PRELID2: variants seen among roughly 807,000 people sequenced by gnomAD.
PRELID2 encodes the protein PRELI domain-containing protein 2.
Under a neutral mutation model 28.4 loss-of-function variants are expected in PRELID2, and 25 were observed. The observed-to-expected ratio is 0.88, with a 90% CI of 0.64 to 1.23. The LOEUF is 1.23. PRELID2 is among the 50% of genes most tolerant of loss of function. The pLI is 0.00. For synonymous variants in PRELID2, 76 were observed against 71.6 expected, an observed-to-expected ratio of 1.06 and a Z score of -0.31; for missense variants, 201 against 214.4, an observed-to-expected ratio of 0.94 and a Z score of 0.39.
the PRELID2 span, among the ~76,000 whole-genome samples, chr5:145,335,083 C>G: frequency 6.6e-6 from 1 of 151,940 alleles, no homozygotes; most frequent in Non-Finnish European, 1.5e-5. Flanking sequence ...TTTCTTATAC[C>G]ATGAGTTTCA....
chr5:145,770,816 C>G (rs1758055883), intron 5 of PRELID2, among the ~76,000 whole-genome samples: 1 of 151,958 alleles, frequency 6.6e-6, no homozygotes, highest in South Asian at 2.1e-4. Flanking sequence ...TTTTGCATAC[C>G]TGTGCAATGT....
chr5:145,406,764 G>A, the PRELID2 span, among the ~76,000 whole-genome samples: 5 of 152,344 alleles, frequency 3.3e-5, no homozygotes, highest in South Asian at 8.3e-4. Context: ...CAGTGTGAGA[G>A]GGGGTAAAGT....
chr5:145,532,195 C>A (rs1334813769), intron 1 of PRELID2, among the ~76,000 whole-genome samples: 1 of 152,092 alleles, frequency 6.6e-6, no homozygotes, highest in Non-Finnish European at 1.5e-5. Context: ...TAATCCCACC[C>A]AGACCATTCA....
At chr5:145,610,734 A>G (rs1300278260) in intron 1 of PRELID2, among the ~76,000 whole-genome samples, 1 of 152,144 alleles carries the variant, frequency 6.6e-6, no homozygotes, top group East Asian at 1.9e-4. Flanking sequence ...TCAGCCTCTA[A>G]GACAAGTATT....
chr5:145,806,002 G>C (rs1753478528), intron 4 of PRELID2, among the ~76,000 whole-genome samples: 1 of 152,144 alleles, frequency 6.6e-6, no homozygotes, highest in Admixed American at 6.5e-5. Flanking sequence ...CAGTACCGAG[G>C]TCACTCTGCA....
the PRELID2 span, among the ~76,000 whole-genome samples, chr5:145,267,091 G>T: frequency 0.024 from 3,628 of 152,134 alleles, 143 homozygotes; most frequent in African/African-American, 0.083. Context: ...TCTGCAAGCC[G>T]AGGAGCAAAG....
At chr5:145,372,660 G>A in the PRELID2 span, among the ~76,000 whole-genome samples, 2 of 151,272 alleles carry the variant, frequency 1.3e-5, no homozygotes, top group Non-Finnish European at 2.9e-5. Flanking sequence ...CAGACAATAG[G>A]ATTGCAACCC....
chr5:145,477,103 G>C (rs900194840), intron 1 of PRELID2, among the ~76,000 whole-genome samples: 5 of 152,060 alleles, frequency 3.3e-5, no homozygotes, highest in African/African-American at 1.2e-4. Context: ...TCTTTTCATG[G>C]CAAGTGGTAG....
At chr5:145,798,968 C>A (rs1390244163) in intron 4 of PRELID2, among the ~76,000 whole-genome samples, 7 of 151,658 alleles carry the variant, frequency 4.6e-5, no homozygotes, top group South Asian at 4.2e-4. Flanking sequence ...CACATGTATA[C>A]CTATGCATCA....
chr5:145,634,130 T>C (rs1481270977), intron 1 of PRELID2, among the ~76,000 whole-genome samples: 1 of 152,226 alleles, frequency 6.6e-6, no homozygotes, highest in Non-Finnish European at 1.5e-5. Context: ...GTACATTTTG[T>C]GGCAATGTAA....
At chr5:145,229,554 C>A in the PRELID2 span, 5 of 1,476,538 alleles carry the variant, frequency 3.4e-6, no homozygotes, top group Middle Eastern at 6.5e-4. Flanking sequence ...ACCCACCAGA[C>A]CTCCTTGGAG....
the PRELID2 span, among the ~76,000 whole-genome samples, chr5:145,297,553 A>G: frequency 3.3e-5 from 5 of 152,102 alleles, no homozygotes; most frequent in Admixed American, 2.0e-4. Flanking sequence ...CTTTGAAAAC[A>G]GGCACAAGAC....
At chr5:145,571,900 T>C (rs144067969) in intron 1 of PRELID2, among the ~76,000 whole-genome samples, 10,248 of 150,506 alleles carry the variant, frequency 0.068, 538 homozygotes, top group Admixed American at 0.18. Context: ...GAGAATGGCG[T>C]GAACCCAGGA....
chr5:145,312,401 A>G, the PRELID2 span, among the ~76,000 whole-genome samples: 2 of 152,158 alleles, frequency 1.3e-5, no homozygotes, highest in Non-Finnish European at 2.9e-5. Flanking sequence ...TATACAATAC[A>G]TTAGTATTAA....
chr5:145,652,891 C>T (rs1411565225), intron 1 of PRELID2, among the ~76,000 whole-genome samples: 1 of 152,138 alleles, frequency 6.6e-6, no homozygotes, highest in Non-Finnish European at 1.5e-5. Context: ...ATCAAATTCA[C>T]ACATAACGAT....
chr5:145,697,459 T>C (rs1755306419), intron 1 of PRELID2, among the ~76,000 whole-genome samples: 1 of 152,128 alleles, frequency 6.6e-6, no homozygotes, highest in Non-Finnish European at 1.5e-5. Context: ...TAACCACCTA[T>C]GGGCCAATTC....
At chr5:145,318,578 A>G in the PRELID2 span, among the ~76,000 whole-genome samples, 1 of 152,178 alleles carries the variant, frequency 6.6e-6, no homozygotes, top group Non-Finnish European at 1.5e-5. Flanking sequence ...AAGATGTGCA[A>G]CAGGGGTGTG....
At chr5:145,357,351 T>G in the PRELID2 span, among the ~76,000 whole-genome samples, 6 of 152,248 alleles carry the variant, frequency 3.9e-5, no homozygotes, top group Non-Finnish European at 7.3e-5. Flanking sequence ...GCTTGATTTC[T>G]CTCCCTCTTT....
At chr5:145,671,642 A>G (rs867956880) in intron 1 of PRELID2, among the ~76,000 whole-genome samples, 1 of 152,204 alleles carries the variant, frequency 6.6e-6, no homozygotes, top group Non-Finnish European at 1.5e-5. Flanking sequence ...AGCATTCGAC[A>G]TCCACAGCAG....
Sources: allele counts gnomAD v4.1 joint callset (sites outside exome capture counted in the v4.1 genomes callset), GRCh38; gene constraint gnomAD v4.1.1; transcripts MANE v1.5; gene names NCBI Gene and HGNC (gene_info 2026-07-23, HGNC 2026-07-21).